Variants in MAMDC2 observed in about 807,000 individuals in gnomAD.
MAMDC2 encodes the protein MAM domain-containing protein 2.
MAMDC2 carries 57 observed loss-of-function variants against 89.8 expected under a neutral mutation model. That is an observed-to-expected ratio of 0.63 (90% CI 0.51 to 0.79). The LOEUF is 0.79. MAMDC2 is among the 30% of genes least tolerant of loss of function. MAMDC2 has a pLI of 0.00. For missense variants in MAMDC2, 800 were observed against 820.6 expected, an observed-to-expected ratio of 0.97 and a Z score of 0.31; for synonymous variants, 313 against 293.4, an observed-to-expected ratio of 1.07 and a Z score of -0.68.
intron 7 of MAMDC2, 93 bp from the exon 8 acceptor site, chr9:70,140,052 T>C (rs1031083956): frequency 3.8e-6 from 5 of 1,331,354 alleles, no homozygotes; most frequent in Non-Finnish European, 5.0e-6. Flanking sequence ...TCTCCCCTGG[T>C]ACAAATGTGT....
chr9:70,078,078 A>C (rs1413868364), intron 2 of MAMDC2, among the ~76,000 whole-genome samples: 2 of 152,148 alleles, frequency 1.3e-5, no homozygotes, highest in Admixed American at 1.3e-4. Flanking sequence ...TATAATTTTT[A>C]TTAGGAAATA....
At chr9:70,195,415 G>A (rs773680256) in intron 11 of MAMDC2, among the ~76,000 whole-genome samples, 1 of 152,054 alleles carries the variant, frequency 6.6e-6, no homozygotes, top group Non-Finnish European at 1.5e-5. Flanking sequence ...GGCAGAAACA[G>A]AAAGTTTTCT....
chr9:70,209,846 A>G (rs1455571651), intron 11 of MAMDC2, among the ~76,000 whole-genome samples: 1 of 152,110 alleles, frequency 6.6e-6, no homozygotes, highest in East Asian at 1.9e-4. Flanking sequence ...CTTTGTTCCC[A>G]TTGGTTTCAG....
chr9:70,162,617 A>C (rs1308567820), intron 9 of MAMDC2, among the ~76,000 whole-genome samples: 1 of 151,790 alleles, frequency 6.6e-6, no homozygotes, highest in Non-Finnish European at 1.5e-5. Context: ...CAACCTCCTG[A>C]GTAACTGGAA....
intron 5 of MAMDC2, among the ~76,000 whole-genome samples, chr9:70,117,668 C>T (rs2030073713): frequency 6.6e-6 from 1 of 151,592 alleles, no homozygotes; most frequent in Non-Finnish European, 1.5e-5. Flanking sequence ...TTACAGGAAC[C>T]AACTTTTCCC....
At chr9:70,214,281 C>T (rs996251328) in intron 11 of MAMDC2, among the ~76,000 whole-genome samples, 4 of 152,140 alleles carry the variant, frequency 2.6e-5, no homozygotes, top group African/African-American at 7.2e-5. Flanking sequence ...GAAAAGGTGA[C>T]ATCTGAGCAA....
chr9:70,144,941 G>A (rs889288783), intron 9 of MAMDC2, among the ~76,000 whole-genome samples: 40 of 152,102 alleles, frequency 2.6e-4, no homozygotes, highest in African/African-American at 9.7e-4. Flanking sequence ...AAACCCTCCA[G>A]GACATCATTA....
At chr9:70,059,327 G>C (rs1163161085) in intron 2 of MAMDC2, among the ~76,000 whole-genome samples, 1 of 152,144 alleles carries the variant, frequency 6.6e-6, no homozygotes, top group African/African-American at 2.4e-5. Context: ...ACCCAGTGAC[G>C]AAGGTACCCC....
At chr9:70,048,990 C>T (rs1257226304) in intron 2 of MAMDC2, among the ~76,000 whole-genome samples, 1 of 152,158 alleles carries the variant, frequency 6.6e-6, no homozygotes, top group East Asian at 1.9e-4. Context: ...ACTCAGCTAC[C>T]TGGAAGAGGA....
intron 2 of MAMDC2, among the ~76,000 whole-genome samples, chr9:70,053,368 C>T (rs1382354453): frequency 6.6e-6 from 1 of 152,094 alleles, no homozygotes; most frequent in Non-Finnish European, 1.5e-5. Context: ...TTACAGAAAA[C>T]CCTACTGCAG....
chr9:70,124,318 T>C (rs1050056898), intron 5 of MAMDC2, among the ~76,000 whole-genome samples: 1 of 152,264 alleles, frequency 6.6e-6, no homozygotes, highest in African/African-American at 2.4e-5. Context: ...ATTTTCTCCC[T>C]GACTCAATCA....
intron 5 of MAMDC2, among the ~76,000 whole-genome samples, chr9:70,123,892 G>A (rs1412368550): frequency 6.6e-6 from 1 of 152,212 alleles, no homozygotes; most frequent in East Asian, 1.9e-4. Context: ...AACAATCCCT[G>A]CTGACACCTT....
intron 2 of MAMDC2, among the ~76,000 whole-genome samples, chr9:70,091,618 G>A (rs1177009371): frequency 2.6e-5 from 4 of 152,110 alleles, no homozygotes; most frequent in Admixed American, 6.5e-5. Flanking sequence ...AATCGGATCC[G>A]GAATCTGGCT....
chr9:70,091,107 G>T (rs1827890695), intron 2 of MAMDC2, among the ~76,000 whole-genome samples: 1 of 152,108 alleles, frequency 6.6e-6, no homozygotes, highest in Non-Finnish European at 1.5e-5. Context: ...TCTCTGGAAG[G>T]GTGTCCCAGA....
intron 2 of MAMDC2, among the ~76,000 whole-genome samples, chr9:70,096,544 G>T (rs1828033372): frequency 1.3e-5 from 2 of 152,126 alleles, no homozygotes; most frequent in South Asian, 4.1e-4. Flanking sequence ...TCTCCATCTA[G>T]AACTTAGTCA....
At chr9:70,159,836 C>A (rs991827751) in intron 9 of MAMDC2, among the ~76,000 whole-genome samples, 1 of 152,112 alleles carries the variant, frequency 6.6e-6, no homozygotes, top group South Asian at 2.1e-4. Flanking sequence ...GGGAGGTGGG[C>A]CAGAGAGAAA....
intron 4 of MAMDC2, among the ~76,000 whole-genome samples, chr9:70,111,476 T>C (rs1191303776): frequency 1.3e-5 from 2 of 152,166 alleles, no homozygotes; most frequent in African/African-American, 4.8e-5. Context: ...TAAAATGAGG[T>C]TAGTAACAGT....
rs553947728 is a variant in MAMDC2 at position 70,120,031 on chromosome 9, T to G, written c.644-6128T>G. Among the ~76,000 whole-genome samples the G allele has an allele frequency of 3.9e-5, 6 of 152,330 alleles. No individual in the cohort carries two copies. In the South Asian group the frequency reaches 1.0e-3, roughly 26 times the overall value. On this transcript the variant is annotated intron_variant, in intron 5 of 13. Coordinates refer to ENST00000377182, the MANE Select transcript of MAMDC2 (RefSeq NM_153267.5). ...AGCTCATATAAGTCACGGTATGCCC[T>G]ACCAGCTCCCTTCTAATGGAATTAC...
intron 7 of MAMDC2, among the ~76,000 whole-genome samples, chr9:70,138,164 T>A (rs2031074890): frequency 6.6e-6 from 1 of 152,208 alleles, no homozygotes; most frequent in South Asian, 2.1e-4. Context: ...AGTATTTGTG[T>A]TTCTGTGTCT....
Sources: allele counts gnomAD v4.1 joint callset (sites outside exome capture counted in the v4.1 genomes callset), GRCh38; gene constraint gnomAD v4.1.1; transcripts MANE v1.5; gene names NCBI Gene and HGNC (gene_info 2026-07-23, HGNC 2026-07-21).